CNTN5: variants seen among roughly 807,000 people sequenced by gnomAD.
The protein encoded by CNTN5 is contactin-5.
In CNTN5, 77 loss-of-function variants were observed where a neutral mutation model predicts 129.1. That is an observed-to-expected ratio of 0.60 (90% CI 0.50 to 0.72). The LOEUF is 0.72. Ranked by LOEUF, CNTN5 falls within the 30% of genes least tolerant of loss-of-function variation. CNTN5 has a pLI of 0.00. For missense variants in CNTN5, 1,478 were observed against 1,328.8 expected (o/e 1.11, Z -1.75); for synonymous variants, 509 against 465.6 (o/e 1.09, Z -1.20).
intron 2 of CNTN5, among the ~76,000 whole-genome samples, chr11:99,332,045 T>C (rs1428092828): frequency 6.6e-6 from 1 of 152,158 alleles, no homozygotes. Context: ...TTAATGATAA[T>C]AAATTACTGT....
chr11:99,397,858 C>T (rs1031042332), intron 2 of CNTN5, among the ~76,000 whole-genome samples: 2 of 151,820 alleles, frequency 1.3e-5, no homozygotes, highest in African/African-American at 4.8e-5. Flanking sequence ...ATGAAGTTTG[C>T]TCATTTCTAA....
chr11:99,325,688 T>A (rs1865756055), intron 2 of CNTN5, among the ~76,000 whole-genome samples: 1 of 152,198 alleles, frequency 6.6e-6, no homozygotes, highest in Non-Finnish European at 1.5e-5. Flanking sequence ...TCTATAAATA[T>A]TCTGCAAATA....
At chr11:99,139,462 A>T (rs1353893100) in intron 1 of CNTN5, among the ~76,000 whole-genome samples, 3 of 152,208 alleles carry the variant, frequency 2.0e-5, no homozygotes, top group African/African-American at 7.2e-5. Context: ...TAAATAAAAA[A>T]TGCTAATTGA....
At chr11:99,915,826 T>G (rs1949774433) in intron 6 of CNTN5, among the ~76,000 whole-genome samples, 1 of 152,180 alleles carries the variant, frequency 6.6e-6, no homozygotes, top group South Asian at 2.1e-4. Flanking sequence ...TTGAATGGAC[T>G]GTAAATAAAA....
chr11:99,606,403 C>T (rs1193338050), intron 3 of CNTN5, among the ~76,000 whole-genome samples: 1 of 139,892 alleles, frequency 7.1e-6, no homozygotes, highest in South Asian at 2.5e-4. Context: ...ATGTGAAGGA[C>T]CTCTTCAAGG....
rs1019261391 is a variant in CNTN5 at position 99,977,341 on chromosome 11, C to T, written c.877+20332C>T. Among the ~76,000 whole-genome samples, 6 of 152,330 alleles carry T rather than the reference C, an allele frequency of 3.9e-5. No homozygotes were observed. In the East Asian group the frequency reaches 1.2e-3, roughly 29 times the overall value. On this transcript the variant is annotated intron_variant, in intron 8 of 24. Coordinates refer to ENST00000524871, the MANE Select transcript of CNTN5 (RefSeq NM_014361.4). ...TTTTGAGCCCTCCAAACTGTTCCAACATCTGCCCATTACTCAGTTCCAAAG... is the reference window on the plus strand; with the variant it reads ...TTTTGAGCCCTCCAAACTGTTCCAATATCTGCCCATTACTCAGTTCCAAAG...
chr11:99,596,570 G>C (rs901348057), intron 3 of CNTN5, among the ~76,000 whole-genome samples: 2 of 152,148 alleles, frequency 1.3e-5, no homozygotes, highest in South Asian at 2.1e-4. Flanking sequence ...TTATCTTAAA[G>C]AAATGTTTTC....
chr11:99,239,901 T>C (rs1056774248), intron 1 of CNTN5, among the ~76,000 whole-genome samples: 10 of 145,304 alleles, frequency 6.9e-5, no homozygotes, highest in East Asian at 2.0e-4. Flanking sequence ...AGCGCCACTG[T>C]GCTCCAGCCT....
intron 3 of CNTN5, among the ~76,000 whole-genome samples, chr11:99,628,066 T>C (rs1366374387): frequency 1.3e-5 from 2 of 151,838 alleles, no homozygotes; most frequent in African/African-American, 2.4e-5. Context: ...AAAGTCTTAA[T>C]GTATTCGTTG....
At chr11:100,001,893 T>C (rs996055418) in intron 8 of CNTN5, 141 bp from the exon 9 acceptor site, 2 of 628,694 alleles carry the variant, frequency 3.2e-6, no homozygotes, top group African/African-American at 1.9e-5. Context: ...GTACTACTTA[T>C]TTCAATACAT....
chr11:99,516,486 T>C (rs886290330), intron 2 of CNTN5, among the ~76,000 whole-genome samples: 7 of 151,966 alleles, frequency 4.6e-5, no homozygotes, highest in African/African-American at 1.7e-4. Context: ...GAAAAGTGAG[T>C]TGGTCAACAA....
intron 13 of CNTN5, among the ~76,000 whole-genome samples, chr11:100,110,203 AAAGAAAAAG>A (rs1315720045): frequency 1.4e-5 from 2 of 145,266 alleles, no homozygotes; most frequent in African/African-American, 5.6e-5. Context: ...AAAAAAAAGA[AAAGAAAAAG>A]AAAAGATAAA....
In CNTN5 at chr11:100,071,725, T is replaced by C. The variant is rs200025902; in HGVS notation, c.1320T>C (p.Asn440=). 7.5e-6 allele frequency: 12 copies of C among 1,591,530 alleles called. No homozygotes were observed. The highest frequency in any genetic ancestry group is 1.0e-5 in the Non-Finnish European group (12 of 1,168,096). The change falls in exon 12 of 25, where the codon AAT becomes AAC. Residue 440 remains asparagine, a synonymous_variant. Coordinates refer to ENST00000524871, the MANE Select transcript of CNTN5 (RefSeq NM_014361.4). The stretch of plus-strand genomic sequence containing the variant: ...TACAGAGTAGGGTTGAGATGGTTAA[T>C]GGAGTATTGATGATCCACAATGTGA... ...LSPQSRVEMV[N]GVLMIHNVNQ... is the part of the protein sequence containing the mutation.
At chr11:99,218,944 C>A (rs972028374) in intron 1 of CNTN5, among the ~76,000 whole-genome samples, 1 of 151,996 alleles carries the variant, frequency 6.6e-6, no homozygotes, top group African/African-American at 2.4e-5. Flanking sequence ...AGAAGCCATA[C>A]ATTGAGGAAA....
In CNTN5 at chr11:100,350,718, A is replaced by T; in HGVS notation, c.3047A>T (p.Glu1016Val). The change falls in exon 24 of 25, where the codon GAG (glutamate) becomes GTG (valine). Residue 1016 changes from glutamate (E) to valine (V), a missense_variant. Coordinates refer to ENST00000524871, the MANE Select transcript of CNTN5 (RefSeq NM_014361.4). ...VVGYKVFYRQEGHSNSQVIET... is the reference protein window; with the variant it reads ...VVGYKVFYRQVGHSNSQVIET... Reference sequence around the variant, plus strand: ...TACTCTCAGGTTTTTTATAGGCAAGAGGGTCACAGCAACAGCCAAGTTATT... The same window carrying T: ...TACTCTCAGGTTTTTTATAGGCAAGTGGGTCACAGCAACAGCCAAGTTATT... The T allele has an allele frequency of 5.6e-6, 9 of 1,605,966 alleles. No homozygotes were observed. Among genetic ancestry groups the T allele is most frequent in the Non-Finnish European group, 7.7e-6 (9 of 1,175,396 alleles).
intron 3 of CNTN5, among the ~76,000 whole-genome samples, chr11:99,808,705 C>T (rs1946343860): frequency 6.6e-6 from 1 of 152,084 alleles, no homozygotes; most frequent in Admixed American, 6.6e-5. Context: ...TTCCAATATC[C>T]ATATTCCCAT....
chr11:99,527,432 A>T (rs1456167337), intron 2 of CNTN5, among the ~76,000 whole-genome samples: 2 of 152,138 alleles, frequency 1.3e-5, no homozygotes, highest in Admixed American at 6.5e-5. Flanking sequence ...TCTTTAATAA[A>T]TTATAATTTC....
chr11:100,129,454 A>G (rs1591291676), intron 13 of CNTN5, among the ~76,000 whole-genome samples: 1 of 152,162 alleles, frequency 6.6e-6, no homozygotes, highest in African/African-American at 2.4e-5. Flanking sequence ...CACTCATCAC[A>G]TCAAAATTCC....
intron 1 of CNTN5, among the ~76,000 whole-genome samples, chr11:99,256,451 A>G (rs927921076): frequency 2.6e-5 from 4 of 152,082 alleles, no homozygotes; most frequent in Non-Finnish European, 5.9e-5. Context: ...AGCATTTTAT[A>G]TATATGTTTT....
Sources: allele counts gnomAD v4.1 joint callset (sites outside exome capture counted in the v4.1 genomes callset), GRCh38; gene constraint gnomAD v4.1.1; transcripts MANE v1.5; gene names NCBI Gene and HGNC (gene_info 2026-07-23, HGNC 2026-07-21).